The following PAFAH1B2 variants were observed in gnomAD, a reference collection of about 807,000 sequenced individuals.
PAFAH1B2 encodes platelet-activating factor acetylhydrolase IB subunit alpha2.
A neutral mutation model predicts 28.0 loss-of-function variants in PAFAH1B2; 8 were observed. The ratio of observed to expected loss-of-function variants is 0.29; its 90% confidence interval spans 0.17 to 0.52. PAFAH1B2 has a LOEUF of 0.52. Among genes scored for constraint, PAFAH1B2 ranks in the 20% least tolerant of loss-of-function variants. The probability of loss-of-function intolerance (pLI) is 0.97; values close to 1 mark genes in which losing one functional copy is unlikely to be tolerated. For missense variants in PAFAH1B2, 190 were observed against 282.6 expected (o/e 0.67, Z 2.35); for synonymous variants, 104 against 103.2 (o/e 1.01, Z -0.05).
Position 117,168,215 on chromosome 11 carries a change from C to G in PAFAH1B2, c.*516C>G, listed in dbSNP as rs1348941374. ...AACATGTAGCATCAGGTTGAACATG[C>G]TTGTCATTGATATATGGAAGATGCT... On this transcript the variant is annotated 3_prime_UTR_variant, in exon 6 of 6. Coordinates refer to ENST00000527958, the MANE Select transcript of PAFAH1B2 (RefSeq NM_002572.4). 9.5e-7 allele frequency: 1 copy of G among 1,055,070 alleles called. No individual in the cohort carries two copies. Among genetic ancestry groups the G allele is most frequent in the African/African-American group, 1.6e-5 (1 of 60,648 alleles). 65.4% of individuals were successfully genotyped at this position (1,055,070 alleles called of 1,614,324 possible).
intron 3 of PAFAH1B2, among the ~76,000 whole-genome samples, chr11:117,160,631 A>T (rs1956352225): frequency 6.6e-6 from 1 of 152,006 alleles, no homozygotes; most frequent in Non-Finnish European, 1.5e-5. Flanking sequence ...TGATTTTTGT[A>T]TTTTTAGTGG....
Position 117,167,525 on chromosome 11 carries a change from C to T in PAFAH1B2, c.516C>T (p.Leu172=), listed in dbSNP as rs761723062. ...TGCCGAAGCTTGCCAACGTGCAGCT[C>T]CTGGATACCGACGGGGGTTTTGTGC... ...VSLPKLANVQ[L]LDTDGGFVHS... is the part of the protein sequence containing the mutation. Residue 172 remains leucine (L), a synonymous_variant, in exon 6 of 6, where the codon CTC becomes CTT. Transcript: ENST00000527958. 5.6e-6 allele frequency: 9 copies of T among 1,613,108 alleles called. No individual in the cohort carries two copies. Among genetic ancestry groups the T allele is most frequent in the Non-Finnish European group, 6.8e-6 (8 of 1,179,450 alleles).
In PAFAH1B2 at chr11:117,169,889, C is replaced by G; in HGVS notation, c.*2190C>G. 9.5e-7 allele frequency: 1 copy of G among 1,054,698 alleles called. No homozygotes were observed. Among genetic ancestry groups the G allele is most frequent in the Non-Finnish European group, 1.1e-6 (1 of 872,544 alleles). The allele number at this position is 1,054,698 out of a possible 1,614,324, so 65.3% of individuals were successfully genotyped here. ...TAAATCCATTAGGTTACTCCTGCAGCATGCGCTTTTAGCTTCTCTCTTGAC... is the reference window on the plus strand; with the variant it reads ...TAAATCCATTAGGTTACTCCTGCAGGATGCGCTTTTAGCTTCTCTCTTGAC... On this transcript the variant is annotated 3_prime_UTR_variant, in exon 6 of 6. Coordinates refer to ENST00000527958, the MANE Select transcript of PAFAH1B2 (RefSeq NM_002572.4).
chr11:117,145,918 A>T (rs1955993148), intron 1 of PAFAH1B2, among the ~76,000 whole-genome samples: 1 of 152,196 alleles, frequency 6.6e-6, no homozygotes, highest in African/African-American at 2.4e-5. Context: ...GCACTTGGAA[A>T]TTCTAGTGCT....
chr11:117,152,906 C>T, intron 2 of PAFAH1B2, among the ~76,000 whole-genome samples: 1 of 152,174 alleles, frequency 6.6e-6, no homozygotes, highest in East Asian at 1.9e-4. Context: ...CCCGTCTCTA[C>T]TAAAAATAAG....
In PAFAH1B2 at chr11:117,168,457, T is replaced by TTTTTTTTTTTTG. The variant is rs1956569605; in HGVS notation, c.*769_*770insGTTTTTTTTTTT. ...CCCCCCGCCACCCCGTTTTTTTTTT[T>TTTTTTTTTTTTG]TTTTTTTTTTTTTTGGTTCTTGTTG... On this transcript the variant is annotated 3_prime_UTR_variant, in exon 6 of 6. Coordinates refer to ENST00000527958, the MANE Select transcript of PAFAH1B2 (RefSeq NM_002572.4). The TTTTTTTTTTTTG allele has an allele frequency of 1.1e-6, 1 of 921,720 alleles. No individual in the cohort carries two copies. 57.1% of individuals were successfully genotyped at this position (921,720 alleles called of 1,614,324 possible). A position where few individuals can be genotyped will look rare whatever the true frequency, so the allele number is the denominator to read the frequency against.
intron 2 of PAFAH1B2, among the ~76,000 whole-genome samples, chr11:117,153,680 C>G (rs1351715902): frequency 6.6e-6 from 1 of 152,174 alleles, no homozygotes; most frequent in African/African-American, 2.4e-5. Flanking sequence ...CGTGAGCCAC[C>G]ATGCCCTGCT....
At chr11:117,152,797 G>C (rs1956181442) in intron 2 of PAFAH1B2, among the ~76,000 whole-genome samples, 1 of 152,226 alleles carries the variant, frequency 6.6e-6, no homozygotes, top group Non-Finnish European at 1.5e-5. Flanking sequence ...TCTAGGCTGG[G>C]CATGGTGGCT....
downstream of PAFAH1B2, chr11:117,175,854 G>C: frequency 6.7e-7 from 1 of 1,501,000 alleles, no homozygotes; most frequent in Non-Finnish European, 9.0e-7. Flanking sequence ...TTGAAGCCAG[G>C]AGTTCAAGAC....
intron 3 of PAFAH1B2, 81 bp from the exon 4 acceptor site, chr11:117,161,064 A>G: frequency 1.2e-6 from 1 of 850,052 alleles, no homozygotes; most frequent in Non-Finnish European, 1.9e-6. Flanking sequence ...AAGGAAATTA[A>G]TGCCTTGCAA....
At chr11:117,154,493 C>T (rs1018801029) in intron 2 of PAFAH1B2, among the ~76,000 whole-genome samples, 2 of 152,194 alleles carry the variant, frequency 1.3e-5, no homozygotes, top group Non-Finnish European at 2.9e-5. Context: ...TTACAGCTTG[C>T]ACCATTACAG....
intron 2 of PAFAH1B2, among the ~76,000 whole-genome samples, chr11:117,159,137 A>G (rs145853387): frequency 6.6e-6 from 1 of 152,328 alleles, no homozygotes; most frequent in East Asian, 1.9e-4. Flanking sequence ...TAATATGTCA[A>G]CTTTCTGTGT....
chr11:117,161,053 A>T lies in PAFAH1B2; in HGVS notation c.172-92A>T, dbSNP rs949472948. ...TACAGTGTTATCTTTGAATACAGAAAAAGGAAATTAATGCCTTGCAACACA... is the reference window on the plus strand; with the variant it reads ...TACAGTGTTATCTTTGAATACAGAATAAGGAAATTAATGCCTTGCAACACA... On this transcript the variant is annotated intron_variant, in intron 3 of 5. Coordinates refer to ENST00000527958, the MANE Select transcript of PAFAH1B2 (RefSeq NM_002572.4). 51 of 804,848 alleles carry T rather than the reference A, an allele frequency of 6.3e-5. No individual in the cohort carries two copies. In the African/African-American group the frequency reaches 8.8e-4, roughly 14 times the overall value. 49.9% of individuals were successfully genotyped at this position (804,848 alleles called of 1,614,324 possible).
rs1345366520 is a variant in PAFAH1B2 at position 117,144,369 on chromosome 11, C to G, written c.-57C>G. 2.4e-6 allele frequency: 1 copy of G among 419,792 alleles called. No homozygotes were observed. Among genetic ancestry groups the G allele is most frequent in the East Asian group, 8.7e-5 (1 of 11,530 alleles). 26.0% of individuals were successfully genotyped at this position (419,792 alleles called of 1,614,324 possible). Reference sequence around the variant, plus strand: ...GGGACCGAGCGAGCGACCGACGCGCCACCCGCCGACGCCTCAGCCGCTTGG... The same window carrying G: ...GGGACCGAGCGAGCGACCGACGCGCGACCCGCCGACGCCTCAGCCGCTTGG... On this transcript the variant is annotated 5_prime_UTR_variant, in exon 1 of 6. Transcript: ENST00000527958.
chr11:117,150,842 G>C (rs1956132952), intron 1 of PAFAH1B2, among the ~76,000 whole-genome samples: 1 of 151,952 alleles, frequency 6.6e-6, no homozygotes, highest in African/African-American at 2.4e-5. Flanking sequence ...AAAAAAATTA[G>C]CTGGGCGTGG....
At chr11:117,172,375 TATATATATATATATA>T (rs1956676594), downstream of PAFAH1B2, among the ~76,000 whole-genome samples, 3 of 2,490 alleles carry the variant, frequency 1.2e-3, no homozygotes, top group African/African-American at 3.6e-3. Flanking sequence ...TATATATATA[TATATATATATATATA>T]TATATATATA....
chr11:117,156,204 C>T (rs1198419506), intron 2 of PAFAH1B2, among the ~76,000 whole-genome samples: 1 of 151,956 alleles, frequency 6.6e-6, no homozygotes, highest in Admixed American at 6.6e-5. Context: ...GAATATATGG[C>T]CATTAAAAGT....
At chr11:117,171,676 G>C (rs1956653772), downstream of PAFAH1B2, 1 of 1,533,050 alleles carries the variant, frequency 6.5e-7, no homozygotes, top group Middle Eastern at 1.7e-4. Flanking sequence ...ACTAGAACAA[G>C]GGTCGGTTAA....
chr11:117,169,686 C>T lies in PAFAH1B2; in HGVS notation c.*1987C>T, dbSNP rs1298014062. The T allele has an allele frequency of 9.5e-7, 1 of 1,055,336 alleles. No individual in the cohort carries two copies. The highest frequency in any genetic ancestry group is 1.1e-6 in the Non-Finnish European group (1 of 872,844). 65.4% of individuals were successfully genotyped at this position (1,055,336 alleles called of 1,614,324 possible). On this transcript the variant is annotated 3_prime_UTR_variant, in exon 6 of 6. Transcript: ENST00000527958. The stretch of plus-strand genomic sequence containing the variant: ...TGGTGTTTACTAAACTTGTTTACGA[C>T]ATTAAAAATTTCCTTTTTATTTTTA...
Sources: allele counts gnomAD v4.1 joint callset (sites outside exome capture counted in the v4.1 genomes callset), GRCh38; gene constraint gnomAD v4.1.1; transcripts MANE v1.5; gene names NCBI Gene and HGNC (gene_info 2026-07-23, HGNC 2026-07-21).